ERC2: variants seen among roughly 807,000 people sequenced by gnomAD.
ERC2 encodes the protein ELKS/RAB6-interacting/CAST family member 2.
A neutral mutation model predicts 114.8 loss-of-function variants in ERC2; 42 were observed. That is an observed-to-expected ratio of 0.37 (90% CI 0.29 to 0.47). The LOEUF (loss-of-function observed/expected upper bound fraction) is 0.47, where lower values mean the gene tolerates loss of function less well. Ranked by LOEUF, ERC2 falls within the 20% of genes least tolerant of loss-of-function variation. The pLI, the probability that ERC2 is intolerant of heterozygous loss-of-function variation, is 0.99. For synonymous variants in ERC2, 454 were observed against 425.5 expected (o/e 1.07, Z -0.82); for missense variants, 939 against 1,150.7 (o/e 0.82, Z 2.66).
At position 55,511,056 on chromosome 3, in the gene ERC2, T is replaced by C. The variant is rs1370872184; in HGVS notation, c.*260A>G. On this transcript the variant is annotated 3_prime_UTR_variant, in exon 18 of 18. Coordinates refer to ENST00000288221, the MANE Select transcript of ERC2 (RefSeq NM_015576.3). ...CTGTCACTTTTCTCCTCCTCTGCATTCTTCCTTTCCATCATAACCAAATCC... is the reference window on the plus strand; with the variant it reads ...CTGTCACTTTTCTCCTCCTCTGCATCCTTCCTTTCCATCATAACCAAATCC... 1 of 152,626 alleles carries C rather than the reference T, an allele frequency of 6.6e-6. No homozygotes were observed. Among genetic ancestry groups the C allele is most frequent in the Non-Finnish European group, 1.5e-5 (1 of 68,046 alleles). The allele number at this position is 152,626 out of a possible 1,614,324, so 9.5% of individuals were successfully genotyped here.
intron 14 of ERC2, among the ~76,000 whole-genome samples, chr3:55,757,012 T>C (rs1453078186): frequency 1.3e-5 from 2 of 152,206 alleles, no homozygotes. Context: ...TATGCTGATA[T>C]ACCAAATTCA....
chr3:56,053,242 T>C (rs2075853069), intron 7 of ERC2, among the ~76,000 whole-genome samples: 1 of 152,176 alleles, frequency 6.6e-6, no homozygotes, highest in South Asian at 2.1e-4. Flanking sequence ...GGGAAGAGGC[T>C]GTGTGCCACG....
intron 1 of ERC2, among the ~76,000 whole-genome samples, chr3:56,447,800 T>C (rs1189525807): frequency 6.6e-6 from 1 of 151,918 alleles, no homozygotes; most frequent in Non-Finnish European, 1.5e-5. Flanking sequence ...TGGAGTGCAG[T>C]GGTGTGATCT....
At chr3:55,564,759 C>T (rs1216723746) in intron 17 of ERC2, among the ~76,000 whole-genome samples, 2 of 152,328 alleles carry the variant, frequency 1.3e-5, no homozygotes, top group Admixed American at 6.5e-5. Context: ...TGACCCATCC[C>T]CATTCGTGTG....
chr3:55,975,776 C>A (rs369752527), intron 12 of ERC2, among the ~76,000 whole-genome samples: 1 of 152,130 alleles, frequency 6.6e-6, no homozygotes, highest in Non-Finnish European at 1.5e-5. Context: ...TTCTCCCTAC[C>A]GCAGAGTCTA....
At chr3:56,090,382 T>G (rs1036094712) in intron 6 of ERC2, among the ~76,000 whole-genome samples, 2 of 152,168 alleles carry the variant, frequency 1.3e-5, no homozygotes, top group Admixed American at 6.5e-5. Flanking sequence ...TCAATAAATA[T>G]GAAGAATCAA....
Position 56,296,030 on chromosome 3 carries a change from G to A in ERC2, c.1063C>T (p.His355Tyr), listed in dbSNP as rs1181338057. 1.3e-6 allele frequency: 2 copies of A among 1,593,072 alleles called. No homozygotes were observed. The highest frequency in any genetic ancestry group is 1.4e-5 in the African/African-American group (1 of 73,960). Reference sequence around the variant, plus strand: ...GTGAATGCTCTTACCTCTCTAAGATGTATGTTTTCCTTCTCTTTCTGATCT... The same window carrying A: ...GTGAATGCTCTTACCTCTCTAAGATATATGTTTTCCTTCTCTTTCTGATCT... ...ILDQKEKENI[H>Y]LREELHRRSQ... is the part of the protein sequence containing the mutation. The change falls in exon 3 of 18, where the codon CAT becomes TAT. Residue 355 changes from histidine to tyrosine, a missense_variant. Transcript: ENST00000288221.
intron 3 of ERC2, among the ~76,000 whole-genome samples, chr3:56,232,049 T>C (rs553944569): frequency 6.6e-6 from 1 of 151,480 alleles, no homozygotes; most frequent in Admixed American, 6.6e-5. Flanking sequence ...TAGCTCACCA[T>C]AGTCTCAAAC....
intron 10 of ERC2, among the ~76,000 whole-genome samples, chr3:56,006,619 T>C (rs1184460781): frequency 6.6e-6 from 1 of 152,110 alleles, no homozygotes; most frequent in Non-Finnish European, 1.5e-5. Flanking sequence ...CATGTAAATA[T>C]CCTATTTCTT....
At chr3:56,284,641 T>C (rs1318598654) in intron 3 of ERC2, among the ~76,000 whole-genome samples, 1 of 152,150 alleles carries the variant, frequency 6.6e-6, no homozygotes, top group East Asian at 1.9e-4. Flanking sequence ...AAAGCAGGGA[T>C]GACAACCTTT....
chr3:55,933,723 T>C (rs931781367), intron 13 of ERC2, among the ~76,000 whole-genome samples: 7 of 152,302 alleles, frequency 4.6e-5, no homozygotes, highest in South Asian at 2.1e-4. Context: ...CTCAGTCACC[T>C]CACTCCTGTG....
intron 14 of ERC2, among the ~76,000 whole-genome samples, chr3:55,758,662 A>G (rs2067214566): frequency 6.6e-6 from 1 of 152,234 alleles, no homozygotes; most frequent in Admixed American, 6.5e-5. Context: ...AAGGTGGGTC[A>G]TATCTGTAGC....
At chr3:56,177,786 T>C (rs188375214) in intron 3 of ERC2, among the ~76,000 whole-genome samples, 1 of 152,224 alleles carries the variant, frequency 6.6e-6, no homozygotes, top group Non-Finnish European at 1.5e-5. Context: ...AGGAGCTTTA[T>C]GAATTGGTTT....
intron 13 of ERC2, among the ~76,000 whole-genome samples, chr3:55,940,309 A>G (rs931624532): frequency 6.6e-6 from 1 of 151,436 alleles, no homozygotes; most frequent in Non-Finnish European, 1.5e-5. Flanking sequence ...AGGCTTAGAG[A>G]AAAAAAAATC....
intron 17 of ERC2, among the ~76,000 whole-genome samples, chr3:55,636,105 A>G (rs1559777839): frequency 6.7e-6 from 1 of 150,168 alleles, no homozygotes; most frequent in Non-Finnish European, 1.5e-5. Flanking sequence ...TGAACTCCTG[A>G]CCTCAGGTGA....
chr3:56,082,094 T>C (rs997941310), intron 6 of ERC2, among the ~76,000 whole-genome samples: 6 of 152,168 alleles, frequency 3.9e-5, no homozygotes. Flanking sequence ...TTAAAAAGAT[T>C]AGGACCCTTT....
At chr3:55,589,359 ACT>A (rs1355334811) in intron 17 of ERC2, among the ~76,000 whole-genome samples, 5 of 151,990 alleles carry the variant, frequency 3.3e-5, no homozygotes, top group Non-Finnish European at 5.9e-5. Flanking sequence ...TGTGATGGTG[ACT>A]CTGTGAGAAT....
intron 7 of ERC2, among the ~76,000 whole-genome samples, chr3:56,065,515 T>C (rs2076431020): frequency 6.6e-6 from 1 of 151,814 alleles, no homozygotes; most frequent in Non-Finnish European, 1.5e-5. Flanking sequence ...CATGGACTAC[T>C]TTCTTTTTTA....
intron 14 of ERC2, among the ~76,000 whole-genome samples, chr3:55,767,312 C>T (rs755340648): frequency 6.6e-6 from 1 of 152,128 alleles, no homozygotes; most frequent in Non-Finnish European, 1.5e-5. Flanking sequence ...TACTTTTTTC[C>T]ATTGCTAACA....
Sources: gnomAD v4.1 joint callset for allele counts (sites outside exome capture counted in the v4.1 genomes callset) on GRCh38, gnomAD v4.1.1 for gene constraint, MANE v1.5 for transcripts, NCBI Gene and HGNC (gene_info 2026-07-23, HGNC 2026-07-21) for gene names.